The following NELL1 variants were observed in gnomAD, a reference collection of about 807,000 sequenced individuals.
The protein encoded by NELL1 is protein kinase C-binding protein NELL1.
Under a neutral mutation model 107.4 loss-of-function variants are expected in NELL1, and 76 were observed. That is an observed-to-expected ratio of 0.71 (90% confidence interval 0.59 to 0.86). NELL1 has a LOEUF of 0.86. Among genes scored for constraint, NELL1 ranks in the 40% least tolerant of loss-of-function variants. The probability of loss-of-function intolerance (pLI) is 0.00; values close to 1 mark genes in which losing one functional copy is unlikely to be tolerated. For synonymous variants in NELL1, 353 were observed against 341.2 expected (o/e 1.03, Z -0.38); for missense variants, 1,024 against 1,005.5 (o/e 1.02, Z -0.25).
chr11:21,442,875 C>T (rs1406957471), intron 15 of NELL1, among the ~76,000 whole-genome samples: 1 of 150,960 alleles, frequency 6.6e-6, no homozygotes, highest in Non-Finnish European at 1.5e-5. Flanking sequence ...AATTTGAGAC[C>T]CTGAGATGGA....
At chr11:20,858,113 C>A (rs1848916093) in intron 4 of NELL1, among the ~76,000 whole-genome samples, 1 of 152,160 alleles carries the variant, frequency 6.6e-6, no homozygotes, top group South Asian at 2.1e-4. Flanking sequence ...AAGTGGGACA[C>A]CTACTTAGAG....
intron 3 of NELL1, among the ~76,000 whole-genome samples, chr11:20,837,954 G>A (rs1276678461): frequency 1.3e-5 from 2 of 152,128 alleles, no homozygotes; most frequent in Non-Finnish European, 1.5e-5. Context: ...CTCCTTAAGT[G>A]TGAGCTCCAC....
intron 3 of NELL1, among the ~76,000 whole-genome samples, chr11:20,784,584 T>A (rs752359508): frequency 1.1e-4 from 16 of 152,296 alleles, no homozygotes; most frequent in Non-Finnish European, 2.1e-4. Flanking sequence ...AGCCAGATCA[T>A]CGCAAAGCTT....
chr11:21,416,696 G>A (rs1168685560), intron 15 of NELL1, among the ~76,000 whole-genome samples: 1 of 151,862 alleles, frequency 6.6e-6, no homozygotes, highest in Non-Finnish European at 1.5e-5. Context: ...ACAGCAATTG[G>A]GTCTTCAGAA....
chr11:20,800,100 A>G (rs145861049), intron 3 of NELL1, among the ~76,000 whole-genome samples: 6 of 152,238 alleles, frequency 3.9e-5, no homozygotes, highest in South Asian at 2.1e-4. Flanking sequence ...TCTTTATCCA[A>G]TCCACCATTG....
At chr11:21,017,044 C>T (rs918280341) in intron 12 of NELL1, among the ~76,000 whole-genome samples, 2 of 152,118 alleles carry the variant, frequency 1.3e-5, no homozygotes, top group Non-Finnish European at 2.9e-5. Context: ...ATGTTATCCA[C>T]CTGGCATCAT....
chr11:20,683,304 T>TC, intron 2 of NELL1, among the ~76,000 whole-genome samples: 1 of 152,224 alleles, frequency 6.6e-6, no homozygotes, highest in Non-Finnish European at 1.5e-5. Flanking sequence ...TCATGTAGTT[T>TC]CTTTTTTTCC....
At chr11:21,219,670 G>A (rs534077396) in intron 13 of NELL1, among the ~76,000 whole-genome samples, 1 of 151,916 alleles carries the variant, frequency 6.6e-6, no homozygotes, top group South Asian at 2.1e-4. Context: ...GAGAAATAGG[G>A]GTCTAATTTC....
chr11:21,362,170 T>C (rs552706735), intron 14 of NELL1, among the ~76,000 whole-genome samples: 86 of 152,340 alleles, frequency 5.6e-4, no homozygotes, highest in Non-Finnish European at 1.0e-3. Flanking sequence ...TCAGATTCTC[T>C]TGTGCCAGAG....
chr11:20,959,242 C>A (rs896960803), intron 11 of NELL1, among the ~76,000 whole-genome samples: 1 of 152,080 alleles, frequency 6.6e-6, no homozygotes, highest in Non-Finnish European at 1.5e-5. Flanking sequence ...GCACGACCAC[C>A]ATGGAAAACA....
At chr11:21,467,011 C>T (rs1384021494) in intron 15 of NELL1, among the ~76,000 whole-genome samples, 1 of 151,940 alleles carries the variant, frequency 6.6e-6, no homozygotes, top group African/African-American at 2.4e-5. Context: ...ATTAATTTCA[C>T]AGTTTTGATA....
intron 10 of NELL1, among the ~76,000 whole-genome samples, chr11:20,943,498 G>A (rs770886712): frequency 4.6e-5 from 7 of 152,028 alleles, no homozygotes; most frequent in Middle Eastern, 3.4e-3. Flanking sequence ...CAGGGGAATC[G>A]CTTGAACCCA....
rs867313014 is a variant in NELL1, at chr11:21,370,726, A to C, written c.1550-127A>C. The C allele has an allele frequency of 2.7e-5, 17 of 639,916 alleles. No individual in the cohort carries two copies. The Middle Eastern group carries it at 2.5e-3, about 95-fold the overall frequency. 39.6% of individuals were successfully genotyped at this position (639,916 alleles called of 1,614,324 possible). On this transcript the variant is annotated intron_variant, in intron 14 of 19. Transcript: ENST00000357134. Reference sequence around the variant, plus strand: ...ATTTCTTTTTCTGTATGGAATTTTTAAATGTATCAATACAGATGTGTATTC... The same window carrying C: ...ATTTCTTTTTCTGTATGGAATTTTTCAATGTATCAATACAGATGTGTATTC...
intron 14 of NELL1, among the ~76,000 whole-genome samples, chr11:21,272,412 G>A (rs376164438): frequency 2.0e-5 from 3 of 152,192 alleles, no homozygotes; most frequent in South Asian, 2.1e-4. Context: ...TGGGAAGCTC[G>A]AACTGGGTGG....
At chr11:21,207,940 T>C (rs1857423588) in intron 13 of NELL1, among the ~76,000 whole-genome samples, 1 of 152,202 alleles carries the variant, frequency 6.6e-6, no homozygotes. Flanking sequence ...AACATGATGT[T>C]ATGGGATACA....
chr11:21,210,202 T>C (rs1429967736), intron 13 of NELL1, among the ~76,000 whole-genome samples: 1 of 152,180 alleles, frequency 6.6e-6, no homozygotes, highest in Non-Finnish European at 1.5e-5. Context: ...AGTATCTGTG[T>C]ACAGGTCTTT....
chr11:21,430,529 C>A (rs1852938831), intron 15 of NELL1, among the ~76,000 whole-genome samples: 1 of 152,106 alleles, frequency 6.6e-6, no homozygotes, highest in Non-Finnish European at 1.5e-5. Context: ...CAGCACTAAG[C>A]AAACTGGCTT....
intron 12 of NELL1, among the ~76,000 whole-genome samples, chr11:21,107,523 CT>C (rs1854998182): frequency 6.6e-6 from 1 of 152,146 alleles, no homozygotes; most frequent in Non-Finnish European, 1.5e-5. Context: ...TGGATATCTG[CT>C]TGTTCACCCT....
intron 4 of NELL1, among the ~76,000 whole-genome samples, chr11:20,849,104 C>T (rs1167410870): frequency 6.6e-6 from 1 of 152,142 alleles, no homozygotes; most frequent in Admixed American, 6.6e-5. Context: ...ATTAAAGTGG[C>T]CTGTCCGGCA....
Sources: allele counts gnomAD v4.1 joint callset (sites outside exome capture counted in the v4.1 genomes callset), GRCh38; gene constraint gnomAD v4.1.1; transcripts MANE v1.5; gene names NCBI Gene and HGNC (gene_info 2026-07-23, HGNC 2026-07-21).